AGBL1: variants seen among roughly 807,000 people sequenced by gnomAD.
AGBL1 encodes the protein AGBL carboxypeptidase 1.
A neutral mutation model predicts 118.9 loss-of-function variants in AGBL1; 130 were observed. That is an observed-to-expected ratio of 1.09 (90% CI 0.95 to 1.26). The LOEUF is 1.26. Among genes scored for constraint, AGBL1 ranks in the 50% most tolerant of loss-of-function variants. The pLI, the probability that AGBL1 is intolerant of heterozygous loss-of-function variation, is 0.00. For synonymous variants in AGBL1, 555 were observed against 478.9 expected (o/e 1.16, Z -2.08); for missense variants, 1,584 against 1,298.1 (o/e 1.22, Z -3.38).
At chr15:86,511,052 C>T (rs369918584) in intron 18 of AGBL1, among the ~76,000 whole-genome samples, 1 of 152,100 alleles carries the variant, frequency 6.6e-6, no homozygotes, top group Non-Finnish European at 1.5e-5. Flanking sequence ...GAATAGTATC[C>T]GACACATAGT....
intron 17 of AGBL1, among the ~76,000 whole-genome samples, chr15:86,377,443 G>A (rs922933133): frequency 6.6e-6 from 1 of 152,096 alleles, no homozygotes; most frequent in Non-Finnish European, 1.5e-5. Context: ...GACTGGCCTT[G>A]CCTACTCTAG....
At chr15:86,871,664 A>C (rs1183701013) in intron 22 of AGBL1, among the ~76,000 whole-genome samples, 1 of 151,962 alleles carries the variant, frequency 6.6e-6, no homozygotes, top group Non-Finnish European at 1.5e-5. Flanking sequence ...GCTTTGGTTC[A>C]TCTTCAGGTT....
chr15:86,758,798 C>T (rs969622934), intron 22 of AGBL1, among the ~76,000 whole-genome samples: 2 of 151,104 alleles, frequency 1.3e-5, no homozygotes, highest in Non-Finnish European at 2.9e-5. Context: ...ATGAAAAAAC[C>T]CTGTCTCTAC....
chr15:86,642,074 C>T (rs2085200217), intron 21 of AGBL1, among the ~76,000 whole-genome samples: 1 of 152,184 alleles, frequency 6.6e-6, no homozygotes, highest in Admixed American at 6.5e-5. Flanking sequence ...TCACTGCTTG[C>T]ATCATGTCCA....
intron 21 of AGBL1, among the ~76,000 whole-genome samples, chr15:86,627,043 C>G (rs2084899632): frequency 6.6e-6 from 1 of 151,544 alleles, no homozygotes; most frequent in Non-Finnish European, 1.5e-5. Flanking sequence ...TCTTGTTGCC[C>G]AGGCTGGAAT....
In AGBL1 at chr15:86,615,565, G is replaced by A. The variant is rs2084709542; in HGVS notation, c.2995-58708G>A. 6.6e-6 allele frequency among the ~76,000 whole-genome samples: 1 copy of A among 152,224 alleles called. No homozygotes were observed. Among genetic ancestry groups the A allele is most frequent in the Non-Finnish European group, 1.5e-5 (1 of 68,044 alleles). The stretch of plus-strand genomic sequence containing the variant: ...GAAGGCCACACGCCATCCCGGTGGA[G>A]ATGGCACAGTGGAGAAGGCAATAAA... On this transcript the variant is annotated intron_variant, in intron 21 of 22. Coordinates refer to ENST00000614907, the MANE Select transcript of AGBL1 (RefSeq NM_001386094.1). The surrounding 1 kb of genome is among the most constrained non-coding windows in gnomAD (Gnocchi z 4.3).
At chr15:86,338,666 C>A (rs995463588) in intron 17 of AGBL1, among the ~76,000 whole-genome samples, 12 of 151,964 alleles carry the variant, frequency 7.9e-5, no homozygotes, top group Admixed American at 3.3e-4. Flanking sequence ...TTGGATTGGA[C>A]AAAGGACGTG....
intron 24 of AGBL1, among the ~76,000 whole-genome samples, chr15:87,003,687 C>T (rs915341930): frequency 2.6e-5 from 4 of 152,114 alleles, no homozygotes; most frequent in Non-Finnish European, 5.9e-5. Context: ...GATTCAACTT[C>T]TTCCTGGTTT....
intron 21 of AGBL1, among the ~76,000 whole-genome samples, chr15:86,588,667 C>T (rs2084290014): frequency 6.6e-6 from 1 of 152,164 alleles, no homozygotes; most frequent in Non-Finnish European, 1.5e-5. Context: ...GCAGGCTCAC[C>T]TCTGAAGCAG....
chr15:86,131,207 C>T (rs1800840841), intron 1 of AGBL1, among the ~76,000 whole-genome samples: 1 of 152,152 alleles, frequency 6.6e-6, no homozygotes, highest in Admixed American at 6.6e-5. Context: ...GATTGCTTTG[C>T]TTTTCATGAC....
chr15:86,312,040 A>G (rs1037549294), intron 17 of AGBL1: 1 of 152,230 alleles, frequency 6.6e-6, no homozygotes, highest in Non-Finnish European at 1.5e-5. Flanking sequence ...ATGAATGTTC[A>G]TGACCTAGTG....
At chr15:86,583,522 TA>T (rs2084203241) in intron 21 of AGBL1, among the ~76,000 whole-genome samples, 1 of 152,170 alleles carries the variant, frequency 6.6e-6, no homozygotes, top group South Asian at 2.1e-4. Flanking sequence ...TTTCATCTTT[TA>T]TGGCTGTGTG....
intron 22 of AGBL1, among the ~76,000 whole-genome samples, chr15:86,799,776 A>G (rs1021868499): frequency 7.9e-5 from 12 of 152,164 alleles, no homozygotes; most frequent in Admixed American, 5.2e-4. Flanking sequence ...GTTCTAGGGA[A>G]TTGCATATAA....
At chr15:86,357,359 C>T (rs1204742912) in intron 17 of AGBL1, among the ~76,000 whole-genome samples, 2 of 152,116 alleles carry the variant, frequency 1.3e-5, no homozygotes, top group East Asian at 3.9e-4. Context: ...GATCATTTGC[C>T]AGGATGCTGT....
At chr15:86,726,111 T>C (rs74025444) in intron 22 of AGBL1, among the ~76,000 whole-genome samples, 2,613 of 152,346 alleles carry the variant, frequency 0.017, 86 homozygotes, top group African/African-American at 0.059. Flanking sequence ...CATTGTGCTT[T>C]GTAAATTTTA....
chr15:86,619,388 TTC>T (rs2084774201), intron 21 of AGBL1, among the ~76,000 whole-genome samples: 1 of 152,204 alleles, frequency 6.6e-6, no homozygotes, highest in Non-Finnish European at 1.5e-5. Flanking sequence ...CCATGCTTCT[TTC>T]TCTCTTTTAA....
Position 86,581,066 on chromosome 15 carries a change from C to G in AGBL1, c.2994+26529C>G, listed in dbSNP as rs1005631170. Among the ~76,000 whole-genome samples the G allele has an allele frequency of 2.0e-5, 3 of 152,096 alleles. No homozygotes were observed. In the South Asian group the frequency reaches 6.2e-4, roughly 32 times the overall value. On this transcript the variant is annotated intron_variant, in intron 21 of 22. Transcript: ENST00000614907. Reference sequence around the variant, plus strand: ...TACTTTGAATTAGTAGATGAGAGTTCCAAAAGGGGAGTTACTAAGTCAAAG... The same window carrying G: ...TACTTTGAATTAGTAGATGAGAGTTGCAAAAGGGGAGTTACTAAGTCAAAG...
chr15:86,976,777 T>C (rs1051122130), intron 23 of AGBL1, among the ~76,000 whole-genome samples: 2 of 152,058 alleles, frequency 1.3e-5, no homozygotes, highest in Non-Finnish European at 2.9e-5. Flanking sequence ...GTGGAATTTA[T>C]ACATAAACAC....
intron 19 of AGBL1, among the ~76,000 whole-genome samples, chr15:86,526,544 G>GTGTGTA (rs754816154): frequency 0.043 from 5,139 of 119,288 alleles, 187 homozygotes; most frequent in Non-Finnish European, 0.05. Flanking sequence ...TTGTGTCTGT[G>GTGTGTA]TATATATATA....
Sources: allele counts gnomAD v4.1 joint callset (sites outside exome capture counted in the v4.1 genomes callset), GRCh38; gene constraint gnomAD v4.1.1; non-coding constraint Gnocchi (gnomAD v3.1); transcripts MANE v1.5; gene names NCBI Gene and HGNC (gene_info 2026-07-23, HGNC 2026-07-21).